FAT4: variants seen among roughly 807,000 people sequenced by gnomAD.
FAT4 encodes FAT atypical cadherin 4.
A neutral mutation model predicts 303.9 loss-of-function variants in FAT4; 84 were observed. That is an observed-to-expected ratio of 0.28 (90% CI 0.23 to 0.33). The LOEUF (loss-of-function observed/expected upper bound fraction) is 0.33. Ranked by LOEUF, FAT4 falls within the 10% of genes least tolerant of loss-of-function variation. FAT4 has a pLI of 1.00. For missense variants in FAT4, 6,005 were observed against 6,146.8 expected (o/e 0.98, Z 0.77); for synonymous variants, 2,307 against 2,298.8 (o/e 1.00, Z -0.10).
chr4:125,317,956 C>G lies in FAT4; in HGVS notation c.1545C>G (p.Val515=), dbSNP rs1456788389. The G allele has an allele frequency of 6.2e-7, 1 of 1,614,014 alleles. No individual in the cohort carries two copies. The highest frequency in any genetic ancestry group is 8.5e-7 in the Non-Finnish European group (1 of 1,180,040). Residue 515 remains valine (V), a synonymous_variant, in exon 2 of 18, where the codon GTC becomes GTG. Coordinates refer to ENST00000394329, the MANE Select transcript of FAT4 (RefSeq NM_001291303.3). This position sits in a 1 kb window ranked among gnomAD's most constrained non-coding sequence, Gnocchi z 7.0. ...ATGCTAATCTGCGTTACAGCATTGTCTCTGGCAATGGACTGGGATGGTTCC... is the reference window on the plus strand; with the variant it reads ...ATGCTAATCTGCGTTACAGCATTGTGTCTGGCAATGGACTGGGATGGTTCC... ...GLNANLRYSI[V]SGNGLGWFHI...
rs967570289 is a variant in FAT4 at position 125,428,330 on chromosome 4, A to T, written c.7019-5915A>T. On this transcript the variant is annotated intron_variant, in intron 7 of 17. Coordinates refer to ENST00000394329, the MANE Select transcript of FAT4 (RefSeq NM_001291303.3). ...AAAAGTCTTATTTTAAATTTTCTTG[A>T]ACTTCATTTGATATATTTGAGCTGA... Among the ~76,000 whole-genome samples the T allele has an allele frequency of 2.0e-5, 3 of 152,244 alleles. No homozygotes were observed. The East Asian group carries it at 5.8e-4, about 29-fold the overall frequency.
intron 7 of FAT4, among the ~76,000 whole-genome samples, chr4:125,433,910 A>T (rs1029232164): frequency 6.6e-6 from 1 of 152,128 alleles, no homozygotes; most frequent in African/African-American, 2.4e-5. Flanking sequence ...TGCTATTTTA[A>T]TGTAATTTCA....
At chr4:125,485,808 G>A (rs754391890) in intron 16 of FAT4, among the ~76,000 whole-genome samples, 11 of 151,988 alleles carry the variant, frequency 7.2e-5, no homozygotes, top group Non-Finnish European at 1.3e-4. Context: ...CTGTATCCCC[G>A]CAATGAGTAA....
intron 2 of FAT4, among the ~76,000 whole-genome samples, chr4:125,332,132 T>G (rs968267995): frequency 2.0e-5 from 3 of 150,476 alleles, no homozygotes; most frequent in Middle Eastern, 3.4e-3. Flanking sequence ...TTTCTATTTT[T>G]AAAGTATTTT....
chr4:125,482,271 C>T (rs1216515482), intron 16 of FAT4, among the ~76,000 whole-genome samples: 3 of 152,050 alleles, frequency 2.0e-5, no homozygotes, highest in Admixed American at 2.0e-4. Flanking sequence ...ATTTGGAATT[C>T]ATTATAATTT....
At chr4:125,343,184 A>G (rs77178649) in intron 2 of FAT4, among the ~76,000 whole-genome samples, 155 of 152,176 alleles carry the variant, frequency 1.0e-3, no homozygotes, top group African/African-American at 3.5e-3. Context: ...GAGGTATGCT[A>G]TTGAGTTCTC....
At position 125,404,684 on chromosome 4, in the gene FAT4, T is replaced by A. The variant is rs1228974729; in HGVS notation, c.5308-2196T>A. 3.3e-5 allele frequency among the ~76,000 whole-genome samples: 5 copies of A among 152,154 alleles called. No homozygotes were observed. In the East Asian group the frequency reaches 9.6e-4, roughly 29 times the overall value. ...ACAGTAGATCTAGAAATTATTCCTC[T>A]TGCATAAGTGAAGATGTATACCCAT... On this transcript the variant is annotated intron_variant, in intron 3 of 17. Transcript: ENST00000394329.
At chr4:125,423,902 G>A (rs1047767123) in intron 7 of FAT4, among the ~76,000 whole-genome samples, 11 of 152,202 alleles carry the variant, frequency 7.2e-5, no homozygotes, top group Non-Finnish European at 8.8e-5. Context: ...TCAGGGGCCT[G>A]TAGCCCCTTC....
rs569547634 is a variant in FAT4 at position 125,452,550 on chromosome 4, C to A, written c.11540C>A (p.Pro3847His). The A allele has an allele frequency of 6.2e-7, 1 of 1,614,108 alleles. No homozygotes were observed. Among genetic ancestry groups the A allele is most frequent in the Admixed American group, 1.7e-5 (1 of 60,020 alleles). The stretch of plus-strand genomic sequence containing the variant: ...ATCGTGGCAAATGAACCTCTGCAGC[C>A]TTTCTTATGCAAGTGTCTGCCAGGA... Reference protein sequence around the residue: ...VIIVANEPLQPFLCKCLPGYA... With the variant: ...VIIVANEPLQHFLCKCLPGYA... Residue 3847 changes from proline (P) to histidine (H), a missense_variant, in exon 10 of 18, where the codon CCT becomes CAT. By Grantham distance (77) the Pro-to-His change is moderately conservative. Coordinates refer to ENST00000394329, the MANE Select transcript of FAT4 (RefSeq NM_001291303.3).
chr4:125,361,439 G>A (rs1338044327), intron 2 of FAT4, among the ~76,000 whole-genome samples: 1 of 152,122 alleles, frequency 6.6e-6, no homozygotes, highest in Non-Finnish European at 1.5e-5. Context: ...ATATGCTCAT[G>A]AGAGATTTGA....
rs374958528 is a variant in FAT4 at position 125,320,542 on chromosome 4, A to G, written c.4131A>G (p.Lys1377=). Residue 1377 remains lysine, a synonymous_variant, in exon 2 of 18, where the codon AAA becomes AAG. Coordinates refer to ENST00000394329, the MANE Select transcript of FAT4 (RefSeq NM_001291303.3). The stretch of plus-strand genomic sequence containing the variant: ...CTGGGAGTATTTTTCTTGCCAAAAA[A>G]CTGGACTTTGAAACACAGTCTTTGT... ...PNTGSIFLAK[K]LDFETQSLYK... 3.7e-6 allele frequency: 6 copies of G among 1,613,926 alleles called. No individual in the cohort carries two copies. The African/African-American group carries it at 8.0e-5, about 22-fold the overall frequency.
chr4:125,369,211 C>T (rs942823330), intron 2 of FAT4, among the ~76,000 whole-genome samples: 1 of 152,120 alleles, frequency 6.6e-6, no homozygotes, highest in Non-Finnish European at 1.5e-5. Context: ...AACATAAAAT[C>T]AGCAGACCTC....
chr4:125,316,112 G>A lies in FAT4; in HGVS notation c.-13+135G>A, dbSNP rs1022095528. On this transcript the variant is annotated intron_variant, in intron 1 of 17. Coordinates refer to ENST00000394329, the MANE Select transcript of FAT4 (RefSeq NM_001291303.3). This position sits in a 1 kb window ranked among gnomAD's most constrained non-coding sequence, Gnocchi z 5.7. ...TCTGGATTCAAAAACAAAGTAAAAG[G>A]GGGCATATATAAGAGGCTTGAGAAA... Among the ~76,000 whole-genome samples, 2 of 152,144 alleles carry A rather than the reference G, an allele frequency of 1.3e-5. No homozygotes were observed. Among genetic ancestry groups the A allele is most frequent in the African/African-American group, 2.4e-5 (1 of 41,420 alleles).
At chr4:125,447,192 A>G (rs916786047) in intron 9 of FAT4, among the ~76,000 whole-genome samples, 1 of 152,056 alleles carries the variant, frequency 6.6e-6, no homozygotes, top group Non-Finnish European at 1.5e-5. Context: ...AGAAAGGCAT[A>G]CTCTAAGAAC....
chr4:125,434,140 G>A (rs1725367595), intron 7 of FAT4, 105 bp from the exon 8 acceptor site: 2 of 1,016,546 alleles, frequency 2.0e-6, no homozygotes, highest in East Asian at 5.1e-5. Context: ...ATTTTACTTT[G>A]ATGTTTCCTA....
intron 10 of FAT4, among the ~76,000 whole-genome samples, chr4:125,461,383 T>C (rs1458014526): frequency 6.6e-6 from 1 of 152,034 alleles, no homozygotes; most frequent in Non-Finnish European, 1.5e-5. Context: ...TTTATACTCA[T>C]ATATTTTTGT....
Position 125,319,903 on chromosome 4 carries a change from G to A in FAT4, c.3492G>A (p.Glu1164=), listed in dbSNP as rs1578517173. 4 of 1,614,100 alleles carry A rather than the reference G, an allele frequency of 2.5e-6. No individual in the cohort carries two copies. The highest frequency in any genetic ancestry group is 2.5e-6 in the Non-Finnish European group (3 of 1,180,024). ...CAAATACTCATCAGTTTGACAGGGA[G>A]TCTCTTATGAGGCGGAGAGGGACTG... ...EITNTHQFDR[E]SLMRRRGTAV... The change falls in exon 2 of 18, where the codon GAG becomes GAA. Residue 1164 remains glutamate, a synonymous_variant. Coordinates refer to ENST00000394329, the MANE Select transcript of FAT4 (RefSeq NM_001291303.3).
chr4:125,492,861 G>GAT lies in FAT4; in HGVS notation c.*1096_*1097dup, dbSNP rs1299181818. On this transcript the variant is annotated 3_prime_UTR_variant, in exon 18 of 18. Transcript: ENST00000394329. ...GTAACATTCATATTTTTCTCATTTT[G>GAT]ATATTTGTAACATACTGTATGCTTT... 1 of 152,036 alleles carries GAT rather than the reference G, an allele frequency of 6.6e-6. No homozygotes were observed. Among genetic ancestry groups the GAT allele is most frequent in the African/African-American group, 2.4e-5 (1 of 41,270 alleles). 9.4% of individuals were successfully genotyped at this position (152,036 alleles called of 1,614,324 possible).
At chr4:125,382,636 G>T (rs905590376) in intron 2 of FAT4, among the ~76,000 whole-genome samples, 1 of 152,138 alleles carries the variant, frequency 6.6e-6, no homozygotes, top group African/African-American at 2.4e-5. Flanking sequence ...AGTGGCTTCA[G>T]CTTAAAGTCA....
Sources: gnomAD v4.1 joint callset for allele counts (sites outside exome capture counted in the v4.1 genomes callset) on GRCh38, gnomAD v4.1.1 for gene constraint, Gnocchi (gnomAD v3.1) non-coding constraint, MANE v1.5 for transcripts, NCBI Gene and HGNC (gene_info 2026-07-23, HGNC 2026-07-21) for gene names.